ADAMTSL1: variants seen among roughly 807,000 people sequenced by gnomAD.
ADAMTSL1 encodes ADAMTS like 1.
Under a neutral mutation model 201.8 loss-of-function variants are expected in ADAMTSL1, and 126 were observed. That is an observed-to-expected ratio of 0.62 (90% CI 0.54 to 0.72). ADAMTSL1 has a LOEUF of 0.72. ADAMTSL1 is among the 30% of genes least tolerant of loss of function. The pLI is 0.00. For missense variants in ADAMTSL1, 2,679 were observed against 2,277.8 expected (o/e 1.18, Z -3.59); for synonymous variants, 1,121 against 903.4 (o/e 1.24, Z -4.32).
At chr9:18,076,421 G>A (rs992979944) in intron 1 of ADAMTSL1, among the ~76,000 whole-genome samples, 1 of 152,200 alleles carries the variant, frequency 6.6e-6, no homozygotes, top group Non-Finnish European at 1.5e-5. Flanking sequence ...AAAAAGATCA[G>A]TGAGCAAACA....
intron 1 of ADAMTSL1, among the ~76,000 whole-genome samples, chr9:18,091,870 A>G (rs1824036629): frequency 6.6e-6 from 1 of 152,100 alleles, no homozygotes; most frequent in Non-Finnish European, 1.5e-5. Flanking sequence ...TGAGTGAGTG[A>G]GTGAGTGGTA....
At chr9:18,246,053 G>A (rs1305051933) in intron 2 of ADAMTSL1, among the ~76,000 whole-genome samples, 1 of 152,108 alleles carries the variant, frequency 6.6e-6, no homozygotes, top group Non-Finnish European at 1.5e-5. Flanking sequence ...ACCGGCTGCT[G>A]TGGGTAAATT....
At chr9:18,099,682 G>C (rs1309193530) in intron 1 of ADAMTSL1, among the ~76,000 whole-genome samples, 2 of 138,598 alleles carry the variant, frequency 1.4e-5, no homozygotes, top group Non-Finnish European at 3.0e-5. Flanking sequence ...CTGTTGCCCA[G>C]ACTTGAATGC....
In ADAMTSL1 at chr9:18,206,011, G is replaced by A. The variant is rs759188736; in HGVS notation, c.207+42030G>A. On this transcript the variant is annotated intron_variant, in intron 2 of 29. Transcript: ENST00000680146. ...AGAGTTTGCAGTGAGCTGAGATCAC[G>A]TCATTGCACCTCACCCTGGGCAACA... Among the ~76,000 whole-genome samples the A allele has an allele frequency of 1.0e-4, 12 of 117,092 alleles. No individual in the cohort carries two copies. In the East Asian group the frequency reaches 1.5e-3, roughly 14 times the overall value. 76.8% of individuals were successfully genotyped at this position (117,092 alleles called of 152,430 possible). A position where few individuals can be genotyped will look rare whatever the true frequency, so the allele number is the denominator to read the frequency against.
At chr9:18,872,534 T>C (rs1827928245) in intron 23 of ADAMTSL1, among the ~76,000 whole-genome samples, 1 of 152,290 alleles carries the variant, frequency 6.6e-6, no homozygotes, top group East Asian at 1.9e-4. Context: ...ATCATTCTTA[T>C]GACTTTGCAT....
intron 2 of ADAMTSL1, among the ~76,000 whole-genome samples, chr9:18,415,652 C>T (rs1005644200): frequency 2.3e-4 from 35 of 151,206 alleles, no homozygotes; most frequent in African/African-American, 7.8e-4. Flanking sequence ...CAGGAATTTT[C>T]CAAATTTGAG....
chr9:18,418,624 T>C (rs1330102525), intron 2 of ADAMTSL1, among the ~76,000 whole-genome samples: 2 of 152,120 alleles, frequency 1.3e-5, no homozygotes, highest in African/African-American at 4.8e-5. Context: ...GAAAATGATA[T>C]AGGGCTAACA....
At position 17,910,662 on chromosome 9, in the gene ADAMTSL1, G is replaced by C. The variant is rs568548993; in HGVS notation, c.87+3740G>C. On this transcript the variant is annotated intron_variant, in intron 1 of 29. Transcript: ENST00000680146. ...AACTTGTCTGAGAAAGAACAGAAAA[G>C]AGTTTAAAGTGGTAGATTGGTTCAG... 3.9e-3 allele frequency among the ~76,000 whole-genome samples: 272 copies of C among 69,056 alleles called. 73 individuals carry two copies. Among genetic ancestry groups the C allele is most frequent in the African/African-American group, 7.5e-3 (256 of 34,256 alleles). The allele number at this position is 69,056 out of a possible 152,430, so 45.3% of individuals were successfully genotyped here.
intron 2 of ADAMTSL1, among the ~76,000 whole-genome samples, chr9:18,414,706 T>C (rs1441336925): frequency 2.0e-5 from 3 of 152,074 alleles, no homozygotes; most frequent in Non-Finnish European, 4.4e-5. Context: ...AAGACCAAGA[T>C]AGAGGCTGTA....
chr9:18,584,183 T>G (rs1257341046), intron 4 of ADAMTSL1, among the ~76,000 whole-genome samples: 2 of 152,210 alleles, frequency 1.3e-5, no homozygotes, highest in African/African-American at 4.8e-5. Context: ...CCACGTGTTG[T>G]GGGAGGATCC....
chr9:17,927,051 A>G (rs774412254), intron 1 of ADAMTSL1, among the ~76,000 whole-genome samples: 9 of 151,864 alleles, frequency 5.9e-5, no homozygotes, highest in Non-Finnish European at 1.3e-4. Flanking sequence ...GCCACGAACA[A>G]CTCCTCGTTC....
chr9:18,843,393 C>T (rs1424767953), intron 23 of ADAMTSL1, among the ~76,000 whole-genome samples: 7 of 150,968 alleles, frequency 4.6e-5, no homozygotes, highest in Non-Finnish European at 8.8e-5. Flanking sequence ...AGAGTTTCTG[C>T]CGAGAGATCC....
intron 15 of ADAMTSL1, among the ~76,000 whole-genome samples, chr9:18,743,893 G>A (rs995801167): frequency 5.3e-5 from 8 of 152,096 alleles, no homozygotes; most frequent in African/African-American, 1.9e-4. Context: ...TGATCGCTGG[G>A]TATAACTGCT....
intron 1 of ADAMTSL1, among the ~76,000 whole-genome samples, chr9:18,484,852 A>C (rs570171782): frequency 6.6e-6 from 1 of 152,302 alleles, no homozygotes; most frequent in South Asian, 2.1e-4. Context: ...AGACTATTAA[A>C]ATTTCAGAAA....
At chr9:18,275,685 A>T (rs900511861) in intron 2 of ADAMTSL1, among the ~76,000 whole-genome samples, 9 of 152,206 alleles carry the variant, frequency 5.9e-5, no homozygotes, top group African/African-American at 1.9e-4. Flanking sequence ...TTAATGTATC[A>T]GTAGTCTATT....
intron 1 of ADAMTSL1, among the ~76,000 whole-genome samples, chr9:17,958,073 A>G (rs1462712381): frequency 2.0e-5 from 3 of 152,140 alleles, no homozygotes; most frequent in South Asian, 2.1e-4. Flanking sequence ...TTTTCTCCAC[A>G]TGCTTTTCCT....
At chr9:18,171,977 T>A (rs141018693) in intron 2 of ADAMTSL1, among the ~76,000 whole-genome samples, 1,639 of 152,044 alleles carry the variant, frequency 0.011, 44 homozygotes, top group African/African-American at 0.038. Context: ...TTGCCAAAGA[T>A]CAGATGGTTG....
At chr9:18,561,104 G>C (rs922893209) in intron 3 of ADAMTSL1, among the ~76,000 whole-genome samples, 2 of 151,900 alleles carry the variant, frequency 1.3e-5, no homozygotes, top group Admixed American at 6.6e-5. Context: ...TGCTTCCCTA[G>C]GTCTTGTAAT....
chr9:18,517,056 T>A (rs1212579425), intron 2 of ADAMTSL1, among the ~76,000 whole-genome samples: 3 of 152,190 alleles, frequency 2.0e-5, no homozygotes, highest in Non-Finnish European at 4.4e-5. Flanking sequence ...TAATATACAT[T>A]TTCCTCAAGG....
Sources: allele counts gnomAD v4.1 joint callset (sites outside exome capture counted in the v4.1 genomes callset), GRCh38; gene constraint gnomAD v4.1.1; transcripts MANE v1.5; gene names NCBI Gene and HGNC (gene_info 2026-07-23, HGNC 2026-07-21).